Variants in ERG observed in about 807,000 individuals in gnomAD.
ERG encodes the protein transcriptional regulator ERG.
In ERG, 9 loss-of-function variants were observed where a neutral mutation model predicts 55.3. That is an observed-to-expected ratio of 0.16 (90% confidence interval 0.10 to 0.28). ERG has a LOEUF of 0.28. Among genes scored for constraint, ERG ranks in the 10% least tolerant of loss-of-function variants. The pLI is 1.00. For missense variants in ERG, 434 were observed against 631.6 expected (o/e 0.69, Z 3.35); for synonymous variants, 223 against 237.3 (o/e 0.94, Z 0.55).
chr21:38,590,274 A>G (rs2060091891), intron 1 of ERG, among the ~76,000 whole-genome samples: 1 of 152,162 alleles, frequency 6.6e-6, no homozygotes, highest in Admixed American at 6.5e-5. Flanking sequence ...GGTACCAAAG[A>G]TGCAGCAACA....
intron 2 of ERG, among the ~76,000 whole-genome samples, chr21:38,505,836 T>G (rs2059456546): frequency 1.3e-5 from 2 of 152,100 alleles, no homozygotes; most frequent in East Asian, 1.9e-4. Context: ...TGCAGGGAAG[T>G]TCCCTTTGAA....
rs183783273 is a variant in ERG, at chr21:38,533,107, C to A, written c.-41+42555G>T. ...CACACAACATACGGTACTTTATTTG[C>A]ACAAGAATTATTAGAACCCAGGGCT... On this transcript the variant is annotated intron_variant, in intron 2 of 8. Coordinates refer to the ERG transcript ENST00000398897. Among the ~76,000 whole-genome samples the A allele has an allele frequency of 1.4e-3, 219 of 152,236 alleles. 1 individual carries two copies. Among genetic ancestry groups the A allele is most frequent in the African/African-American group, 5.0e-3 (209 of 41,534 alleles).
chr21:38,411,474 A>C (rs960784276), intron 3 of ERG, among the ~76,000 whole-genome samples: 1 of 151,968 alleles, frequency 6.6e-6, no homozygotes, highest in Non-Finnish European at 1.5e-5. Flanking sequence ...ATCGTGGCTA[A>C]TTTTTGTATT....
intron 1 of ERG, among the ~76,000 whole-genome samples, chr21:38,612,055 T>C (rs1294043024): frequency 6.6e-6 from 1 of 152,164 alleles, no homozygotes. Flanking sequence ...CTCTAGCTCA[T>C]AAATAGGAGG....
chr21:38,495,565 C>T (rs2059372612), intron 1 of ERG, among the ~76,000 whole-genome samples: 1 of 152,194 alleles, frequency 6.6e-6, no homozygotes, highest in African/African-American at 2.4e-5. Context: ...CATTAAGTAT[C>T]TTTCTAGGAT....
intron 1 of ERG, among the ~76,000 whole-genome samples, chr21:38,649,482 G>C (rs1230525034): frequency 1.3e-5 from 2 of 152,094 alleles, no homozygotes; most frequent in Non-Finnish European, 2.9e-5. Flanking sequence ...ACATCAATGT[G>C]GTCTCGTATT....
intron 2 of ERG, among the ~76,000 whole-genome samples, chr21:38,570,165 C>T (rs1336905809): frequency 3.3e-5 from 5 of 152,182 alleles, no homozygotes; most frequent in Admixed American, 6.5e-5. Flanking sequence ...ATGCTCCTGC[C>T]AGCATGGAGG....
In ERG at chr21:38,576,770, G is replaced by A. The variant is rs139834961; in HGVS notation, c.-126-1023C>T. 2.4e-3 allele frequency among the ~76,000 whole-genome samples: 361 copies of A among 152,134 alleles called. 4 individuals are homozygous for A. The highest frequency in any genetic ancestry group is 8.3e-3 in the African/African-American group (345 of 41,510). On this transcript the variant is annotated intron_variant, in intron 1 of 8. Coordinates refer to the ERG transcript ENST00000398897. Reference sequence around the variant, plus strand: ...TCTGGAGAGCAGGGGTGAGAGGAGAGGGGTATCTCTTCCCCTCACCTTCCC... The same window carrying A: ...TCTGGAGAGCAGGGGTGAGAGGAGAAGGGTATCTCTTCCCCTCACCTTCCC...
At chr21:38,451,642 T>C (rs1440152062) in intron 1 of ERG, among the ~76,000 whole-genome samples, 1 of 152,232 alleles carries the variant, frequency 6.6e-6, no homozygotes, top group Non-Finnish European at 1.5e-5. Flanking sequence ...AGTAGATGCT[T>C]CTAAAAGGTC....
At position 38,401,831 on chromosome 21, in the gene ERG, G is replaced by A. The variant is rs542032390; in HGVS notation, c.673+726C>T. ...AGAAAACCCAGCCTCTGCTGTGAGC[G>A]GGGGGCGAGGGAGGAAGGTTAGCCA... On this transcript the variant is annotated intron_variant, in intron 5 of 9. Coordinates refer to ENST00000288319, the MANE Select transcript of ERG (RefSeq NM_182918.4). 3.3e-5 allele frequency among the ~76,000 whole-genome samples: 5 copies of A among 152,158 alleles called. No individual in the cohort carries two copies. In the East Asian group the frequency reaches 5.8e-4, roughly 18 times the overall value.
intron 2 of ERG, among the ~76,000 whole-genome samples, chr21:38,523,129 C>A (rs1449912929): frequency 1.3e-5 from 2 of 152,122 alleles, no homozygotes; most frequent in African/African-American, 4.8e-5. Flanking sequence ...GGATTGAATG[C>A]TTCCAGGTTT....
chr21:38,524,680 G>A (rs1301773530), intron 2 of ERG, among the ~76,000 whole-genome samples: 1 of 152,196 alleles, frequency 6.6e-6, no homozygotes, highest in African/African-American at 2.4e-5. Flanking sequence ...GACAGGAGCA[G>A]TGATAAGATA....
chr21:38,367,325 G>A, the ERG span, among the ~76,000 whole-genome samples: 1 of 152,178 alleles, frequency 6.6e-6, no homozygotes, highest in Non-Finnish European at 1.5e-5. Flanking sequence ...CACAGTTTTG[G>A]TGGATCAGGC....
chr21:38,470,602 C>T (rs1374639511), intron 1 of ERG, among the ~76,000 whole-genome samples: 2 of 152,200 alleles, frequency 1.3e-5, no homozygotes, highest in African/African-American at 4.8e-5. Context: ...AAGTCTAGTT[C>T]ACTCTGCACT....
intron 3 of ERG, among the ~76,000 whole-genome samples, chr21:38,417,305 C>T (rs1237393492): frequency 1.3e-5 from 2 of 152,092 alleles, no homozygotes; most frequent in Non-Finnish European, 2.9e-5. Flanking sequence ...GAATGGAACA[C>T]AGTAAGAGTT....
intron 2 of ERG, among the ~76,000 whole-genome samples, chr21:38,433,266 G>T (rs1990302122): frequency 6.6e-6 from 1 of 152,200 alleles, no homozygotes; most frequent in African/African-American, 2.4e-5. Context: ...GAGTGGGAGT[G>T]CATCTGACTC....
chr21:38,451,069 G>A, intron 1 of ERG: 6 of 442,324 alleles, frequency 1.4e-5, no homozygotes, highest in Non-Finnish European at 1.8e-5. Context: ...AAAGTCACAC[G>A]GTGGAGTGTT....
intron 1 of ERG, among the ~76,000 whole-genome samples, chr21:38,590,667 C>A (rs1468336413): frequency 6.6e-6 from 1 of 151,920 alleles, no homozygotes; most frequent in South Asian, 2.1e-4. Flanking sequence ...ATGTATTCAT[C>A]CATCCATCCA....
At chr21:38,408,394 C>T (rs1988873806) in intron 3 of ERG, among the ~76,000 whole-genome samples, 2 of 152,190 alleles carry the variant, frequency 1.3e-5, no homozygotes, top group Non-Finnish European at 2.9e-5. Context: ...GGACTAGCAC[C>T]TTCTTGTGCC....
Sources: allele counts gnomAD v4.1 joint callset (sites outside exome capture counted in the v4.1 genomes callset), GRCh38; gene constraint gnomAD v4.1.1; transcripts MANE v1.5; gene names NCBI Gene and HGNC (gene_info 2026-07-23, HGNC 2026-07-21).